Variants in AKAIN1 observed in about 807,000 individuals in gnomAD.
The protein encoded by AKAIN1 is A-kinase anchor inhibitor 1, also known as A-kinase anchor protein inhibitor 1.
Under a neutral mutation model 3.7 loss-of-function variants are expected in AKAIN1, and 3 were observed. The ratio of observed to expected loss-of-function variants is 0.82; its 90% CI spans 0.37 to 2.12. AKAIN1 has a LOEUF of 2.12. Ranked by LOEUF, AKAIN1 falls within the 30% of genes most tolerant of loss-of-function variation. The pLI is 0.06. For missense variants in AKAIN1, 82 were observed against 82.7 expected (o/e 0.99, Z 0.03); for synonymous variants, 31 against 30.8 (o/e 1.01, Z -0.02).
chr18:5,146,308 A>G (rs1325544607), intron 1 of AKAIN1, among the ~76,000 whole-genome samples: 2 of 152,206 alleles, frequency 1.3e-5, no homozygotes, highest in Non-Finnish European at 2.9e-5. Flanking sequence ...AAGCATGAAG[A>G]TGAAAGCCAA....
At chr18:5,165,170 A>T (rs2071160911) in intron 1 of AKAIN1, among the ~76,000 whole-genome samples, 1 of 152,014 alleles carries the variant, frequency 6.6e-6, no homozygotes, top group Non-Finnish European at 1.5e-5. Context: ...AAAGAGATAG[A>T]GGAACCCAGA....
intron 1 of AKAIN1, among the ~76,000 whole-genome samples, chr18:5,155,248 T>C (rs2071101029): frequency 1.3e-5 from 2 of 152,164 alleles, no homozygotes; most frequent in African/African-American, 4.8e-5. Flanking sequence ...ATGCAGGCTG[T>C]GCAGTGAGGG....
chr18:5,192,455 TCTTTG>T, intron 1 of AKAIN1, among the ~76,000 whole-genome samples: 1 of 106,178 alleles, frequency 9.4e-6, no homozygotes. Flanking sequence ...CTTTTTCTTT[TCTTTG>T]GTAGAGACAA....
Position 5,156,715 on chromosome 18 carries a change from G to A in AKAIN1, c.17-10960C>T, listed in dbSNP as rs116247585. Among the ~76,000 whole-genome samples the A allele has an allele frequency of 8.0e-3, 1,213 of 152,264 alleles. 14 individuals carry two copies. The highest frequency in any genetic ancestry group is 0.025 in the African/African-American group (1,039 of 41,562). On this transcript the variant is annotated intron_variant, in intron 1 of 1. Transcript: ENST00000434239. The stretch of plus-strand genomic sequence containing the variant: ...GGAGTTATGTGAGACAGTGTATTCC[G>A]ACTGCAGAAACTTTGAGGGGCAAAT...
rs2071030145 is a variant in AKAIN1 at position 5,143,081 on chromosome 18, A to C, written c.*2481T>G. ...GCAGTAAATCAGAAAGATAAAGGAC[A>C]CTAAGTAAATGTTCCCACTCATTTC... On this transcript the variant is annotated 3_prime_UTR_variant, in exon 2 of 2. Coordinates refer to ENST00000434239, the MANE Select transcript of AKAIN1 (RefSeq NM_001145194.2). Among the ~76,000 whole-genome samples the C allele has an allele frequency of 6.6e-6, 1 of 152,232 alleles. No individual in the cohort carries two copies. Among genetic ancestry groups the C allele is most frequent in the Non-Finnish European group, 1.5e-5 (1 of 68,034 alleles).
At chr18:5,195,654 T>G (rs1390291720) in intron 1 of AKAIN1, among the ~76,000 whole-genome samples, 2 of 152,316 alleles carry the variant, frequency 1.3e-5, no homozygotes, top group East Asian at 3.9e-4. Flanking sequence ...AGGAATGATA[T>G]TCCTTAACTC....
intron 1 of AKAIN1, among the ~76,000 whole-genome samples, chr18:5,189,817 A>C (rs1205061115): frequency 1.3e-5 from 2 of 151,716 alleles, no homozygotes; most frequent in Non-Finnish European, 2.9e-5. Context: ...AGCAATACAG[A>C]CTTTTCTAGT....
intron 1 of AKAIN1, among the ~76,000 whole-genome samples, chr18:5,182,359 T>A (rs1318767895): frequency 6.6e-6 from 1 of 152,084 alleles, no homozygotes; most frequent in East Asian, 1.9e-4. Flanking sequence ...AACAATAACA[T>A]CAGTAATAGC....
chr18:5,185,301 G>A (rs1377721496), intron 1 of AKAIN1, among the ~76,000 whole-genome samples: 2 of 152,028 alleles, frequency 1.3e-5, no homozygotes, highest in African/African-American at 4.8e-5. Flanking sequence ...ATTTCATGAA[G>A]AAGATGCCAA....
chr18:5,168,757 T>C (rs975743258), intron 1 of AKAIN1, among the ~76,000 whole-genome samples: 15 of 151,532 alleles, frequency 9.9e-5, no homozygotes, highest in South Asian at 6.2e-4. Flanking sequence ...CAGGGCAGAC[T>C]CTCATAAACC....
intron 1 of AKAIN1, among the ~76,000 whole-genome samples, chr18:5,163,126 T>G (rs541126667): frequency 6.6e-6 from 1 of 152,114 alleles, no homozygotes; most frequent in South Asian, 2.1e-4. Context: ...CGTGAGGAAA[T>G]TTGGTAGCTA....
At chr18:5,158,198 G>GA (rs1422676543) in intron 1 of AKAIN1, among the ~76,000 whole-genome samples, 1 of 152,200 alleles carries the variant, frequency 6.6e-6, no homozygotes, top group African/African-American at 2.4e-5. Context: ...GAGTGGCTGT[G>GA]AAAGTCACTG....
chr18:5,184,302 AAAGC>A (rs1187352206), intron 1 of AKAIN1, among the ~76,000 whole-genome samples: 3 of 152,004 alleles, frequency 2.0e-5, no homozygotes, highest in Non-Finnish European at 4.4e-5. Context: ...TAACCAAAAG[AAAGC>A]CGGTCCTAGT....
intron 1 of AKAIN1, among the ~76,000 whole-genome samples, chr18:5,154,234 C>A (rs1398908190): frequency 6.6e-6 from 1 of 152,026 alleles, no homozygotes; most frequent in Non-Finnish European, 1.5e-5. Context: ...TTGGTTTTCA[C>A]CAGGGAAACA....
chr18:5,187,338 A>G (rs1479681658), intron 1 of AKAIN1, among the ~76,000 whole-genome samples: 1 of 152,172 alleles, frequency 6.6e-6, no homozygotes, highest in Non-Finnish European at 1.5e-5. Flanking sequence ...TCCAGAATGA[A>G]AGGGAAATGT....
chr18:5,195,099 C>T (rs2071340354), intron 1 of AKAIN1, among the ~76,000 whole-genome samples: 1 of 151,976 alleles, frequency 6.6e-6, no homozygotes, highest in African/African-American at 2.4e-5. Context: ...TTCTTATTGT[C>T]CCAAATGCTT....
At chr18:5,174,560 G>A (rs1323911319) in intron 1 of AKAIN1, among the ~76,000 whole-genome samples, 1 of 152,084 alleles carries the variant, frequency 6.6e-6, no homozygotes, top group Non-Finnish European at 1.5e-5. Flanking sequence ...GGCCAACATG[G>A]CAAAACCCTA....
chr18:5,196,354 C>G (rs1448781500), intron 1 of AKAIN1, among the ~76,000 whole-genome samples: 1 of 152,262 alleles, frequency 6.6e-6, no homozygotes, highest in Non-Finnish European at 1.5e-5. Flanking sequence ...GCCGCCAAGC[C>G]GGTCAACCGC....
At chr18:5,161,507 C>T (rs541239194) in intron 1 of AKAIN1, among the ~76,000 whole-genome samples, 6 of 151,978 alleles carry the variant, frequency 3.9e-5, no homozygotes, top group African/African-American at 1.2e-4. Context: ...TCTCCACCTT[C>T]TATTTATTTA....
Sources: allele counts gnomAD v4.1 joint callset (sites outside exome capture counted in the v4.1 genomes callset), GRCh38; gene constraint gnomAD v4.1.1; transcripts MANE v1.5; gene names NCBI Gene and HGNC (gene_info 2026-07-23, HGNC 2026-07-21).